Variants in WDFY4 observed in about 807,000 individuals in gnomAD.
WDFY4 encodes WDFY family member 4.
Under a neutral mutation model 351.9 loss-of-function variants are expected in WDFY4, and 169 were observed. The ratio of observed to expected loss-of-function variants is 0.48; its 90% CI spans 0.42 to 0.55. WDFY4 has a LOEUF of 0.55. Among genes scored for constraint, WDFY4 ranks in the 20% least tolerant of loss-of-function variants. The probability of loss-of-function intolerance (pLI) is 0.00; values close to 1 mark genes in which losing one functional copy is unlikely to be tolerated. For synonymous variants in WDFY4, 1,622 were observed against 1,574.6 expected (o/e 1.03, Z -0.71); for missense variants, 3,803 against 3,935.6 (o/e 0.97, Z 0.90).
At chr10:48,966,890 G>A (rs1254714874) in intron 55 of WDFY4, 6 of 582,770 alleles carry the variant, frequency 1.0e-5, no homozygotes, top group African/African-American at 3.7e-5. Context: ...GAAGACCCAC[G>A]TCTCTCTGTC....
chr10:48,837,020 G>A (rs1040175386), intron 39 of WDFY4, among the ~76,000 whole-genome samples: 10 of 152,096 alleles, frequency 6.6e-5, no homozygotes, highest in Non-Finnish European at 1.3e-4. Flanking sequence ...ATGGCAATGT[G>A]GGATGTTAAT....
intron 39 of WDFY4, among the ~76,000 whole-genome samples, chr10:48,856,102 T>C (rs564766973): frequency 6.6e-6 from 1 of 152,128 alleles, no homozygotes; most frequent in Non-Finnish European, 1.5e-5. Flanking sequence ...TTTTTGAAAA[T>C]ATTTTTAATA....
At chr10:48,822,036 C>T (rs922859736) in intron 34 of WDFY4, among the ~76,000 whole-genome samples, 4 of 152,198 alleles carry the variant, frequency 2.6e-5, no homozygotes, top group African/African-American at 9.7e-5. Context: ...GCTTTATCCT[C>T]TGCCTAGTGT....
chr10:48,776,077 C>T (rs886889727), intron 15 of WDFY4, among the ~76,000 whole-genome samples: 4 of 152,124 alleles, frequency 2.6e-5, no homozygotes, highest in Non-Finnish European at 5.9e-5. Flanking sequence ...ACAGAGTTTC[C>T]TTCATGACAC....
At chr10:48,971,689 G>A (rs1842344141) in intron 57 of WDFY4, among the ~76,000 whole-genome samples, 1 of 152,176 alleles carries the variant, frequency 6.6e-6, no homozygotes, top group South Asian at 2.1e-4. Flanking sequence ...GGGCATGGAG[G>A]GTGCTGCGTG....
At position 48,703,202 on chromosome 10, in the gene WDFY4, G is replaced by A. The variant is rs114780243; in HGVS notation, c.-17-6514G>A. Among the ~76,000 whole-genome samples, 806 of 152,240 alleles carry A rather than the reference G, an allele frequency of 5.3e-3. 8 individuals carry two copies. The highest frequency in any genetic ancestry group is 0.018 in the African/African-American group (743 of 41,536). ...TTTATTTATTTATTTATTTTGGAGC[G>A]CTCTAGATTGAGGCCAAGACTCTGC... is the stretch of plus-strand genomic sequence containing the variant. On this transcript the variant is annotated intron_variant, in intron 1 of 61. Transcript: ENST00000325239.
At chr10:48,730,936 T>TG (rs1269788804) in intron 8 of WDFY4, among the ~76,000 whole-genome samples, 174 bp from the exon 9 acceptor site, 1 of 152,238 alleles carries the variant, frequency 6.6e-6, no homozygotes, top group Non-Finnish European at 1.5e-5. Context: ...CATGCTGCAC[T>TG]AGCCTTCTTC....
chr10:48,707,252 C>G (rs2063655406), intron 1 of WDFY4, among the ~76,000 whole-genome samples: 1 of 152,136 alleles, frequency 6.6e-6, no homozygotes, highest in Admixed American at 6.5e-5. Context: ...ATTGCAAACA[C>G]TGGAAAGCTG....
intron 27 of WDFY4, among the ~76,000 whole-genome samples, chr10:48,806,901 C>T (rs1422876823): frequency 2.6e-5 from 4 of 152,196 alleles, no homozygotes; most frequent in Admixed American, 1.3e-4. Context: ...CTGAGGCTAG[C>T]GGCTACTCTA....
chr10:48,981,306 G>A (rs879237565), intron 60 of WDFY4, 61 bp from the exon 61 acceptor site: 2 of 1,441,658 alleles, frequency 1.4e-6, no homozygotes, highest in East Asian at 5.0e-5. Flanking sequence ...GTGTGCAGAT[G>A]CACACTGTAT....
chr10:48,910,307 G>C, intron 47 of WDFY4: 2 of 1,563,350 alleles, frequency 1.3e-6, no homozygotes, highest in Non-Finnish European at 1.8e-6. Flanking sequence ...AGGCCACAGA[G>C]GCAAACACAG....
Position 48,760,335 on chromosome 10 carries a change from C to T in WDFY4, c.2460-12C>T. The T allele has an allele frequency of 2.6e-6, 4 of 1,551,172 alleles. No homozygotes were observed. The highest frequency in any genetic ancestry group is 3.5e-6 in the Non-Finnish European group (4 of 1,146,694). ...GTCCGTGTCTCATGTCTGGCTCTCC[C>T]TCTCTCTGCAGGATGGATGAGGGAG... On this transcript the variant is annotated splice_polypyrimidine_tract_variant and intron_variant, in intron 12 of 61. Coordinates refer to ENST00000325239, the MANE Select transcript of WDFY4 (RefSeq NM_001394531.1).
chr10:48,940,105 G>A (rs912006880), intron 47 of WDFY4, among the ~76,000 whole-genome samples: 3 of 152,218 alleles, frequency 2.0e-5, no homozygotes, highest in African/African-American at 4.8e-5. Context: ...GCTCTGGAGG[G>A]CTCAGCACAG....
At chr10:48,915,126 A>G (rs912323262) in intron 47 of WDFY4, among the ~76,000 whole-genome samples, 1 of 152,176 alleles carries the variant, frequency 6.6e-6, no homozygotes, top group Non-Finnish European at 1.5e-5. Context: ...CTTATTTGTG[A>G]AAACAGACAC....
At chr10:48,795,410 A>G (rs1217286277) in intron 23 of WDFY4, among the ~76,000 whole-genome samples, 2 of 150,594 alleles carry the variant, frequency 1.3e-5, no homozygotes, top group Non-Finnish European at 2.9e-5. Flanking sequence ...AAGTGAAGCC[A>G]GTCAGCCTGA....
intron 36 of WDFY4, among the ~76,000 whole-genome samples, chr10:48,827,726 TC>T (rs560418181): frequency 1.3e-4 from 20 of 150,904 alleles, no homozygotes; most frequent in South Asian, 8.4e-4. Flanking sequence ...AAAAAAACAA[TC>T]CCCCACATCC....
intron 10 of WDFY4, among the ~76,000 whole-genome samples, chr10:48,735,255 G>GA (rs1285033755): frequency 6.6e-6 from 1 of 152,078 alleles, no homozygotes; most frequent in Non-Finnish European, 1.5e-5. Context: ...CAATCCTGGG[G>GA]AAAAAATGCT....
intron 39 of WDFY4, among the ~76,000 whole-genome samples, chr10:48,833,078 A>G (rs7900138): frequency 0.44 from 66,510 of 151,454 alleles, 15,463 homozygotes; most frequent in East Asian, 0.83. Context: ...ACCCGTTGGG[A>G]TTTTCTAATC....
At chr10:48,696,927 A>G (rs1032465101) in intron 1 of WDFY4, among the ~76,000 whole-genome samples, 2 of 152,206 alleles carry the variant, frequency 1.3e-5, no homozygotes, top group African/African-American at 2.4e-5. Flanking sequence ...AGGTTGAGGG[A>G]GCCTGAGTCG....
Sources: allele counts gnomAD v4.1 joint callset (sites outside exome capture counted in the v4.1 genomes callset), GRCh38; gene constraint gnomAD v4.1.1; transcripts MANE v1.5; gene names NCBI Gene and HGNC (gene_info 2026-07-23, HGNC 2026-07-21).